MARCHF10: variants seen among roughly 807,000 people sequenced by gnomAD.
MARCHF10 encodes the protein probable E3 ubiquitin-protein ligase MARCHF10.
MARCHF10 carries 64 observed loss-of-function variants against 76.2 expected under a neutral mutation model. That is an observed-to-expected ratio of 0.84 (90% CI 0.69 to 1.03). The LOEUF (loss-of-function observed/expected upper bound fraction) is 1.03. MARCHF10 is among the 50% of genes least tolerant of loss of function. MARCHF10 has a pLI of 0.00. For synonymous variants in MARCHF10, 340 were observed against 357.5 expected (o/e 0.95, Z 0.55); for missense variants, 875 against 958.0 (o/e 0.91, Z 1.14).
At chr17:62,788,262 G>C (rs1598034914) in intron 3 of MARCHF10, among the ~76,000 whole-genome samples, 1 of 152,196 alleles carries the variant, frequency 6.6e-6, no homozygotes, top group African/African-American at 2.4e-5. Context: ...AGTGAGGTGT[G>C]AAGACTGCAG....
intron 8 of MARCHF10, among the ~76,000 whole-genome samples, chr17:62,719,514 T>C (rs1305098376): frequency 6.6e-6 from 1 of 152,220 alleles, no homozygotes; most frequent in Non-Finnish European, 1.5e-5. Flanking sequence ...TTATCTTTAC[T>C]CCCCTTTAGG....
At chr17:62,802,156 C>T (rs2093085117) in intron 1 of MARCHF10, among the ~76,000 whole-genome samples, 1 of 152,188 alleles carries the variant, frequency 6.6e-6, no homozygotes, top group African/African-American at 2.4e-5. Flanking sequence ...TTATTTCCAT[C>T]CAGGGACTGT....
At chr17:62,758,916 G>A (rs2092119653) in intron 4 of MARCHF10, among the ~76,000 whole-genome samples, 1 of 152,180 alleles carries the variant, frequency 6.6e-6, no homozygotes, top group Admixed American at 6.5e-5. Context: ...TCTTATAGCT[G>A]TTGTCTTTGA....
chr17:62,708,495 C>G (rs188909353), intron 9 of MARCHF10, among the ~76,000 whole-genome samples: 1 of 152,254 alleles, frequency 6.6e-6, no homozygotes, highest in Admixed American at 6.5e-5. Flanking sequence ...CCACCTGTCT[C>G]GGCCTCCCAA....
chr17:62,752,178 C>T (rs556452165), intron 4 of MARCHF10, among the ~76,000 whole-genome samples: 109 of 152,048 alleles, frequency 7.2e-4, no homozygotes, highest in African/African-American at 2.6e-3. Context: ...GATCATTTTT[C>T]TCTCTCTAGC....
At chr17:62,716,889 A>G (rs868644740) in intron 8 of MARCHF10, among the ~76,000 whole-genome samples, 11 of 152,000 alleles carry the variant, frequency 7.2e-5, no homozygotes, top group African/African-American at 2.4e-4. Flanking sequence ...CCCATTTGCC[A>G]AGGACAAGCA....
Position 62,795,382 on chromosome 17 carries a change from A to AAAAG in MARCHF10, c.90+6263_90+6264insCTTT, listed in dbSNP as rs1555719591. 5.4e-5 allele frequency among the ~76,000 whole-genome samples: 6 copies of AAAAG among 111,990 alleles called. 1 individual carries two copies. The highest frequency in any genetic ancestry group is 2.2e-4 in the African/African-American group (6 of 27,358). 73.5% of individuals were successfully genotyped at this position (111,990 alleles called of 152,430 possible). A position where few individuals can be genotyped will look rare whatever the true frequency, so the allele number is the denominator to read the frequency against. ...AAAAAAAAAAAAAAAAAAAAAAAAA[A>AAAAG]AAGAAGCTAGGCAGCATGAAAATCC... On this transcript the variant is annotated intron_variant, in intron 2 of 10. Coordinates refer to ENST00000311269, the MANE Select transcript of MARCHF10 (RefSeq NM_152598.4).
At chr17:62,733,666 AAC>A (rs2147787464) in intron 6 of MARCHF10, among the ~76,000 whole-genome samples, 1 of 152,324 alleles carries the variant, frequency 6.6e-6, no homozygotes, top group East Asian at 1.9e-4. Flanking sequence ...ATTTGCAGCA[AAC>A]AATAAAGGAC....
chr17:62,760,268 A>T (rs1363025335), intron 3 of MARCHF10, among the ~76,000 whole-genome samples: 2 of 152,240 alleles, frequency 1.3e-5, no homozygotes, highest in African/African-American at 4.8e-5. Flanking sequence ...GTAGAACGTT[A>T]TGAAAAGAAT....
chr17:62,782,107 G>A (rs1215080273), intron 3 of MARCHF10, among the ~76,000 whole-genome samples: 1 of 152,068 alleles, frequency 6.6e-6, no homozygotes, highest in Non-Finnish European at 1.5e-5. Context: ...CTGATTGACG[G>A]AGAATCTTTT....
chr17:62,701,875 C>T (rs1348007164), intron 10 of MARCHF10, 117 bp from the exon 11 acceptor site: 8 of 1,332,826 alleles, frequency 6.0e-6, no homozygotes, highest in Non-Finnish European at 6.4e-6. Context: ...CCCAGCCACC[C>T]ACATGGCCAC....
At chr17:62,801,606 C>A (rs754251189) in intron 2 of MARCHF10, 40 bp downstream of exon 2, 2 of 1,519,786 alleles carry the variant, frequency 1.3e-6, no homozygotes, top group South Asian at 2.2e-5. Context: ...CTAAATACTG[C>A]AAGAGAAGGC....
In MARCHF10 at chr17:62,801,653, TCA is replaced by T; in HGVS notation, c.81_82del (p.Glu28ValfsTer11). 6.2e-7 allele frequency: 1 copy of T among 1,613,916 alleles called. No homozygotes were observed. The highest frequency in any genetic ancestry group is 8.5e-7 in the Non-Finnish European group (1 of 1,179,796). ...CTTGCTTTCTGCAATTACCTGATACTCAGAGTCCACCTTATGCTGCATGTCCC... is the reference window on the plus strand; with the variant it reads ...CTTGCTTTCTGCAATTACCTGATACTGAGTCCACCTTATGCTGCATGTCCC... On this transcript the variant is annotated frameshift_variant, in exon 2 of 11. Coordinates refer to ENST00000311269, the MANE Select transcript of MARCHF10 (RefSeq NM_152598.4). LOFTEE classifies it high-confidence loss of function.
intron 3 of MARCHF10, among the ~76,000 whole-genome samples, chr17:62,764,420 AG>A (rs1450435568): frequency 2.0e-5 from 3 of 152,208 alleles, no homozygotes; most frequent in Admixed American, 1.3e-4. Context: ...GATATAGTGC[AG>A]GGCACAGCTT....
rs56688878 is a variant in MARCHF10, at chr17:62,720,860, A to ATTTTT, written c.2214+1623_2214+1627dup. The stretch of plus-strand genomic sequence containing the variant: ...GGAGTCTCTGCTCCGGTAAGTTGTG[A>ATTTTT]TTTTTTTTTTTTTTTTTTTTTTTTT... On this transcript the variant is annotated intron_variant, in intron 8 of 10. Transcript: ENST00000311269. Among the ~76,000 whole-genome samples the ATTTTT allele has an allele frequency of 1.2e-3, 105 of 88,016 alleles. 2 individuals are homozygous for ATTTTT. Among genetic ancestry groups the ATTTTT allele is most frequent in the African/African-American group, 2.8e-3 (63 of 22,380 alleles). 57.7% of individuals were successfully genotyped at this position (88,016 alleles called of 152,430 possible).
Position 62,744,448 on chromosome 17 carries a change from G to A in MARCHF10, c.463C>T (p.Pro155Ser). 6.2e-7 allele frequency: 1 copy of A among 1,614,170 alleles called. No individual in the cohort carries two copies. The highest frequency in any genetic ancestry group is 1.6e-4 in the Middle Eastern group (1 of 6,062). The change falls in exon 5 of 11, where the codon CCG becomes TCG. Residue 155 changes from proline (P) to serine (S), a missense_variant. Coordinates refer to ENST00000311269, the MANE Select transcript of MARCHF10 (RefSeq NM_152598.4). ...RFTVSPESHS[P>S]RASGDRSRQK... is the part of the protein sequence containing the mutation. ...CTGCTTCTGTCCCCAGATGCTCTCGGGCTGTGCGATTCTGGGCTGACTGTA... is the reference window on the plus strand; with the variant it reads ...CTGCTTCTGTCCCCAGATGCTCTCGAGCTGTGCGATTCTGGGCTGACTGTA...
At chr17:62,732,386 A>T (rs890594739) in intron 6 of MARCHF10, among the ~76,000 whole-genome samples, 2 of 152,216 alleles carry the variant, frequency 1.3e-5, no homozygotes, top group African/African-American at 4.8e-5. Flanking sequence ...GAAAGACAAC[A>T]AAAGACCAAT....
At chr17:62,779,944 A>G (rs894587215) in intron 3 of MARCHF10, among the ~76,000 whole-genome samples, 43 of 152,210 alleles carry the variant, frequency 2.8e-4, no homozygotes, top group African/African-American at 9.9e-4. Flanking sequence ...TAAAAATACA[A>G]AAACTAGCTG....
chr17:62,713,945 C>T (rs35978210), intron 8 of MARCHF10, among the ~76,000 whole-genome samples: 1,868 of 152,318 alleles, frequency 0.012, 49 homozygotes, highest in African/African-American at 0.042. Flanking sequence ...TCATTTAGGC[C>T]AAGAGACTTG....
Sources: allele counts gnomAD v4.1 joint callset (sites outside exome capture counted in the v4.1 genomes callset), GRCh38; gene constraint gnomAD v4.1.1; transcripts MANE v1.5; gene names NCBI Gene and HGNC (gene_info 2026-07-23, HGNC 2026-07-21).